The following WDR41 variants were observed in gnomAD, a reference collection of about 807,000 sequenced individuals.
WDR41 encodes WD repeat-containing protein 41.
In WDR41, 63 loss-of-function variants were observed where a neutral mutation model predicts 69.3. That is an observed-to-expected ratio of 0.91 (90% CI 0.74 to 1.12). The LOEUF is 1.12. Ranked by LOEUF, WDR41 falls within the 50% of genes most tolerant of loss-of-function variation. The pLI is 0.00. For missense variants in WDR41, 543 were observed against 534.5 expected, an observed-to-expected ratio of 1.02 and a Z score of -0.16; for synonymous variants, 185 against 192.1, an observed-to-expected ratio of 0.96 and a Z score of 0.31.
intron 1 of WDR41, among the ~76,000 whole-genome samples, chr5:77,550,371 C>T (rs1353730615): frequency 1.3e-5 from 2 of 152,000 alleles, no homozygotes; most frequent in African/African-American, 4.8e-5. Context: ...ATCCAGAATC[C>T]ATAAGTAACT....
Position 77,465,066 on chromosome 5 carries a change from CTT to C in WDR41, c.168-259_168-258del, listed in dbSNP as rs1184775560. Reference sequence around the variant, plus strand: ...TGTAAAAATAATCTTTAAAGTCCTTCTTTGCTTTAAAATTCTATGATTTTAAG... The same window carrying C: ...TGTAAAAATAATCTTTAAAGTCCTTCTGCTTTAAAATTCTATGATTTTAAG... On this transcript the variant is annotated intron_variant, in intron 2 of 12. Transcript: ENST00000296679. Among the ~76,000 whole-genome samples, 15 of 152,232 alleles carry C rather than the reference CTT, an allele frequency of 9.9e-5. No homozygotes were observed. The East Asian group carries it at 2.9e-3, about 29-fold the overall frequency.
intron 1 of WDR41, among the ~76,000 whole-genome samples, chr5:77,573,582 T>C (rs939277142): frequency 2.0e-5 from 3 of 152,186 alleles, no homozygotes; most frequent in Admixed American, 6.5e-5. Context: ...TTCCATAGGC[T>C]GAAGAACTGT....
intron 2 of WDR41, among the ~76,000 whole-genome samples, chr5:77,474,029 C>T (rs1010330326): frequency 3.3e-5 from 5 of 152,132 alleles, no homozygotes; most frequent in African/African-American, 1.2e-4. Flanking sequence ...AGACTTGGAA[C>T]CAACCCAAAT....
chr5:77,450,339 C>G (rs1250519142), intron 7 of WDR41, among the ~76,000 whole-genome samples: 1 of 152,182 alleles, frequency 6.6e-6, no homozygotes, highest in Non-Finnish European at 1.5e-5. Context: ...TTTTAAAAAG[C>G]TTCTGATTCC....
intron 1 of WDR41, among the ~76,000 whole-genome samples, chr5:77,532,109 A>G (rs1802536184): frequency 2.0e-5 from 3 of 152,096 alleles, no homozygotes; most frequent in Admixed American, 2.0e-4. Context: ...CTTTTACATT[A>G]TGTAAATTTC....
At chr5:77,443,742 C>T (rs1196251393) in intron 8 of WDR41, among the ~76,000 whole-genome samples, 1 of 152,160 alleles carries the variant, frequency 6.6e-6, no homozygotes, top group Admixed American at 6.5e-5. Flanking sequence ...AATTAACCTA[C>T]TGAGACCATG....
At chr5:77,559,873 A>C (rs1308754349) in intron 1 of WDR41, among the ~76,000 whole-genome samples, 1 of 152,134 alleles carries the variant, frequency 6.6e-6, no homozygotes, top group Non-Finnish European at 1.5e-5. Context: ...CAGATCAGAG[A>C]GAACAAAGCA....
chr5:77,441,111 G>C (rs371462714), intron 8 of WDR41, 114 bp from the exon 9 acceptor site: 48 of 1,100,880 alleles, frequency 4.4e-5, no homozygotes, highest in Middle Eastern at 2.9e-4. Context: ...AGAACAGTGA[G>C]GTACCTAGGC....
chr5:77,480,435 CAAT>C (rs1402625048), intron 2 of WDR41, among the ~76,000 whole-genome samples: 2 of 151,930 alleles, frequency 1.3e-5, no homozygotes, highest in Non-Finnish European at 1.5e-5. Flanking sequence ...AAATGTCCAA[CAAT>C]GATAGACTGG....
At chr5:77,471,763 T>A (rs1800626650) in intron 2 of WDR41, among the ~76,000 whole-genome samples, 2 of 151,898 alleles carry the variant, frequency 1.3e-5, no homozygotes, top group South Asian at 4.2e-4. Context: ...AATAACAGGA[T>A]CTGAAATTGA....
At chr5:77,576,658 G>A (rs957163259) in intron 1 of WDR41, among the ~76,000 whole-genome samples, 3 of 152,006 alleles carry the variant, frequency 2.0e-5, no homozygotes, top group Non-Finnish European at 2.9e-5. Flanking sequence ...GCATTAGCTA[G>A]GTTTCTGTTC....
chr5:77,608,483 T>C (rs1324773590), intron 1 of WDR41, among the ~76,000 whole-genome samples: 3 of 152,198 alleles, frequency 2.0e-5, no homozygotes, highest in Non-Finnish European at 4.4e-5. Flanking sequence ...CCCATGTAGA[T>C]ATTTAAATTT....
At chr5:77,464,732 C>A in intron 3 of WDR41, 29 bp downstream of exon 3, 1 of 1,608,412 alleles carries the variant, frequency 6.2e-7, no homozygotes, top group African/African-American at 1.3e-5. Flanking sequence ...ATATCTTTAT[C>A]ACACAATCCA....
At chr5:77,506,551 G>T (rs1414546180) in intron 1 of WDR41, among the ~76,000 whole-genome samples, 1 of 152,068 alleles carries the variant, frequency 6.6e-6, no homozygotes, top group East Asian at 1.9e-4. Flanking sequence ...ATACCCAAAG[G>T]GTTATAAATC....
intron 1 of WDR41, among the ~76,000 whole-genome samples, chr5:77,611,857 G>C (rs1473254571): frequency 1.3e-5 from 2 of 151,978 alleles, no homozygotes; most frequent in Non-Finnish European, 1.5e-5. Context: ...CCAGGAGCTG[G>C]TTTTTTGAAA....
At chr5:77,458,085 T>G in intron 5 of WDR41, among the ~76,000 whole-genome samples, 1 of 152,238 alleles carries the variant, frequency 6.6e-6, no homozygotes, top group East Asian at 1.9e-4. Context: ...GCAAGAATAT[T>G]TTTAAAGGAA....
chr5:77,453,741 T>C (rs879628280), intron 6 of WDR41, 76 bp downstream of exon 6: 6 of 1,212,994 alleles, frequency 4.9e-6, no homozygotes, highest in South Asian at 2.5e-5. Flanking sequence ...TTTCTACTTA[T>C]GGAAAGTCTC....
chr5:77,536,565 T>C (rs1023548189), intron 1 of WDR41, among the ~76,000 whole-genome samples: 1 of 152,206 alleles, frequency 6.6e-6, no homozygotes, highest in African/African-American at 2.4e-5. Flanking sequence ...TCATGCACCA[T>C]ATTAACAACA....
intron 1 of WDR41, among the ~76,000 whole-genome samples, chr5:77,614,030 A>C (rs1177380461): frequency 2.6e-5 from 4 of 152,182 alleles, no homozygotes; most frequent in Admixed American, 6.5e-5. Context: ...ATGCAGCCAA[A>C]AGACACATGA....
Sources: allele counts gnomAD v4.1 joint callset (sites outside exome capture counted in the v4.1 genomes callset), GRCh38; gene constraint gnomAD v4.1.1; transcripts MANE v1.5; gene names NCBI Gene and HGNC (gene_info 2026-07-23, HGNC 2026-07-21).